The following CTNNBL1 variants were observed in gnomAD, a reference collection of about 807,000 sequenced individuals.
The protein encoded by CTNNBL1 is beta-catenin-like protein 1.
In CTNNBL1, 31 loss-of-function variants were observed where a neutral mutation model predicts 72.7. The observed-to-expected ratio is 0.43, with a 90% confidence interval of 0.32 to 0.58. The LOEUF (loss-of-function observed/expected upper bound fraction) is 0.58. Ranked by LOEUF, CTNNBL1 falls within the 20% of genes least tolerant of loss-of-function variation. The pLI is 0.08. For synonymous variants in CTNNBL1, 240 were observed against 267.3 expected (o/e 0.90, Z 1.00); for missense variants, 534 against 725.1 (o/e 0.74, Z 3.03).
At chr20:37,826,134 G>C (rs184801365) in intron 11 of CTNNBL1, among the ~76,000 whole-genome samples, 2 of 152,126 alleles carry the variant, frequency 1.3e-5, no homozygotes, top group Admixed American at 1.3e-4. Context: ...ACATCATTCC[G>C]GTCTGTTCCC....
chr20:37,714,474 A>G (rs1157875671), intron 1 of CTNNBL1, among the ~76,000 whole-genome samples: 1 of 152,242 alleles, frequency 6.6e-6, no homozygotes, highest in Non-Finnish European at 1.5e-5. Context: ...CTAGTCATAG[A>G]TAACTTGGAG....
chr20:37,816,914 G>C (rs1425093023), intron 11 of CTNNBL1, among the ~76,000 whole-genome samples: 1 of 152,174 alleles, frequency 6.6e-6, no homozygotes, highest in Non-Finnish European at 1.5e-5. Context: ...AGTTAACTGG[G>C]TGATTTTCCT....
At chr20:37,845,653 T>C (rs1327231976) in intron 13 of CTNNBL1, among the ~76,000 whole-genome samples, 1 of 152,194 alleles carries the variant, frequency 6.6e-6, no homozygotes, top group Non-Finnish European at 1.5e-5. Context: ...CTTAGAACAA[T>C]ACGACCTCCT....
chr20:37,749,757 T>G (rs541038787), intron 4 of CTNNBL1: 2 of 152,232 alleles, frequency 1.3e-5, no homozygotes, highest in African/African-American at 4.8e-5. Context: ...GCAGGTCCTC[T>G]TGACTTGCAT....
At chr20:37,783,006 A>G (rs1296084166) in intron 10 of CTNNBL1, among the ~76,000 whole-genome samples, 1 of 152,178 alleles carries the variant, frequency 6.6e-6, no homozygotes, top group Middle Eastern at 3.2e-3. Flanking sequence ...ACCATATAGG[A>G]TGATGTATAT....
chr20:37,753,037 T>C (rs2073334622), intron 4 of CTNNBL1, among the ~76,000 whole-genome samples: 2 of 152,130 alleles, frequency 1.3e-5, no homozygotes, highest in Non-Finnish European at 2.9e-5. Context: ...ATGCTGAATT[T>C]TCTCATCAAG....
intron 13 of CTNNBL1, among the ~76,000 whole-genome samples, chr20:37,855,414 T>C (rs1446388759): frequency 6.6e-6 from 1 of 152,222 alleles, no homozygotes; most frequent in African/African-American, 2.4e-5. Context: ...TTTTCAAAAA[T>C]AATTTCATAT....
At chr20:37,857,328 G>T (rs150086355) in intron 13 of CTNNBL1, among the ~76,000 whole-genome samples, 126 of 152,338 alleles carry the variant, frequency 8.3e-4, no homozygotes, top group African/African-American at 2.9e-3. Flanking sequence ...TGATTTGCCA[G>T]GCAGTGCAGG....
intron 11 of CTNNBL1, among the ~76,000 whole-genome samples, chr20:37,809,400 G>T (rs1168890601): frequency 6.6e-6 from 1 of 152,158 alleles, no homozygotes; most frequent in Non-Finnish European, 1.5e-5. Flanking sequence ...GCATCTGTAG[G>T]AGAGTCTTTA....
chr20:37,793,177 T>C (rs1237643040), intron 10 of CTNNBL1, among the ~76,000 whole-genome samples: 1 of 152,244 alleles, frequency 6.6e-6, no homozygotes, highest in Non-Finnish European at 1.5e-5. Context: ...TCGTCTATAT[T>C]TGTACAGATT....
intron 1 of CTNNBL1, among the ~76,000 whole-genome samples, chr20:37,728,256 T>C (rs1273898427): frequency 6.6e-6 from 1 of 152,198 alleles, no homozygotes; most frequent in Non-Finnish European, 1.5e-5. Flanking sequence ...AAAAAAAGAA[T>C]GTAAAATAAC....
intron 11 of CTNNBL1, among the ~76,000 whole-genome samples, chr20:37,829,514 A>G (rs1480329084): frequency 2.0e-5 from 3 of 152,014 alleles, no homozygotes; most frequent in African/African-American, 7.2e-5. Flanking sequence ...TCATAGTCCA[A>G]CGTTCATATT....
intron 11 of CTNNBL1, among the ~76,000 whole-genome samples, chr20:37,835,802 C>T (rs1039916157): frequency 2.6e-5 from 4 of 152,068 alleles, no homozygotes; most frequent in African/African-American, 9.7e-5. Context: ...TAAATAAGCT[C>T]AGTGGAATTC....
chr20:37,697,362 G>T (rs2072802364), intron 1 of CTNNBL1, among the ~76,000 whole-genome samples: 3 of 152,168 alleles, frequency 2.0e-5, no homozygotes, highest in Admixed American at 1.3e-4. Flanking sequence ...AGGACTGAAG[G>T]TTGAGAGGGA....
At chr20:37,793,345 T>G (rs1030123275) in intron 10 of CTNNBL1, among the ~76,000 whole-genome samples, 1 of 152,246 alleles carries the variant, frequency 6.6e-6, no homozygotes, top group Non-Finnish European at 1.5e-5. Flanking sequence ...GTTCTTTTGT[T>G]TAATCGACCC....
chr20:37,848,977 C>G (rs6512730), intron 13 of CTNNBL1, among the ~76,000 whole-genome samples: 123,996 of 152,100 alleles, frequency 0.82, 50,597 homozygotes, highest in Middle Eastern at 0.89. Flanking sequence ...ATCTCTTCCC[C>G]TACTGCCCAT....
At chr20:37,799,344 G>A (rs185093447) in intron 10 of CTNNBL1, among the ~76,000 whole-genome samples, 141 of 152,278 alleles carry the variant, frequency 9.3e-4, no homozygotes, top group Non-Finnish European at 1.6e-3. Context: ...TGTCATGACC[G>A]TGTTCCTCGC....
At chr20:37,790,802 C>A (rs993865334) in intron 10 of CTNNBL1, among the ~76,000 whole-genome samples, 3 of 152,162 alleles carry the variant, frequency 2.0e-5, no homozygotes, top group Non-Finnish European at 4.4e-5. Context: ...TTAAAGTATA[C>A]AATTTGGCGA....
At chr20:37,705,196 G>A (rs1381587584) in intron 1 of CTNNBL1, among the ~76,000 whole-genome samples, 1 of 152,156 alleles carries the variant, frequency 6.6e-6, no homozygotes, top group Non-Finnish European at 1.5e-5. Context: ...CTAGCTATGT[G>A]ACCTTGGGTC....
Sources: gnomAD v4.1 joint callset for allele counts (sites outside exome capture counted in the v4.1 genomes callset) on GRCh38, gnomAD v4.1.1 for gene constraint, MANE v1.5 for transcripts, NCBI Gene and HGNC (gene_info 2026-07-23, HGNC 2026-07-21) for gene names.